PRR16: variants seen among roughly 807,000 people sequenced by gnomAD.
The protein encoded by PRR16 is protein Largen.
Under a neutral mutation model 18.2 loss-of-function variants are expected in PRR16, and 6 were observed. The observed-to-expected ratio is 0.33, with a 90% CI of 0.18 to 0.65. The LOEUF is 0.65. PRR16 is among the 30% of genes least tolerant of loss of function. PRR16 has a pLI of 0.74. For missense variants in PRR16, 412 were observed against 376.6 expected (o/e 1.09, Z -0.78); for synonymous variants, 151 against 147.8 (o/e 1.02, Z -0.16).
chr5:120,486,287 T>C (rs953092186), intron 1 of PRR16, among the ~76,000 whole-genome samples: 1 of 152,260 alleles, frequency 6.6e-6, no homozygotes, highest in African/African-American at 2.4e-5. Flanking sequence ...GCGTTCCTGT[T>C]TCTCCACATC....
At chr5:120,643,955 A>C (rs996943938) in intron 1 of PRR16, among the ~76,000 whole-genome samples, 5 of 152,126 alleles carry the variant, frequency 3.3e-5, no homozygotes, top group Non-Finnish European at 4.4e-5. Flanking sequence ...CAATGAGCTG[A>C]GATCATGCCA....
At chr5:120,747,739 TAAGGAAGGAAGAGAAAGATGAAGGAAGG>T in the PRR16 span, among the ~76,000 whole-genome samples, 1 of 151,786 alleles carries the variant, frequency 6.6e-6, no homozygotes, top group South Asian at 2.1e-4. Flanking sequence ...GAAAACAATT[TAAGGAAGGAAGAGAAAGATGAAGGAAGG>T]AAGGAAGGAG....
At chr5:120,545,051 G>A (rs993071431) in intron 1 of PRR16, among the ~76,000 whole-genome samples, 2 of 152,230 alleles carry the variant, frequency 1.3e-5, no homozygotes, top group Non-Finnish European at 2.9e-5. Flanking sequence ...CTGGGAAATA[G>A]TAGTGTCTCC....
the PRR16 span, among the ~76,000 whole-genome samples, chr5:120,733,624 T>C: frequency 6.6e-6 from 1 of 152,158 alleles, no homozygotes; most frequent in Non-Finnish European, 1.5e-5. Context: ...GCATTAAACC[T>C]ATGCCCCGCT....
intron 1 of PRR16, among the ~76,000 whole-genome samples, chr5:120,584,784 G>A (rs979879980): frequency 7.9e-5 from 12 of 151,956 alleles, no homozygotes; most frequent in South Asian, 4.1e-4. Context: ...AATAGTAGTC[G>A]TCTGTGTTTA....
At chr5:120,471,821 A>G (rs1749277135) in intron 1 of PRR16, among the ~76,000 whole-genome samples, 2 of 152,176 alleles carry the variant, frequency 1.3e-5, no homozygotes, top group Admixed American at 6.5e-5. Context: ...AGAAAGTAGC[A>G]TTAACTGAAA....
intron 1 of PRR16, among the ~76,000 whole-genome samples, chr5:120,504,784 CA>C (rs1296058844): frequency 6.6e-6 from 1 of 152,134 alleles, no homozygotes; most frequent in Non-Finnish European, 1.5e-5. Flanking sequence ...GAGGAATTTT[CA>C]TATTGCTTCT....
At chr5:120,678,269 A>G (rs1756870264) in intron 1 of PRR16, among the ~76,000 whole-genome samples, 1 of 152,058 alleles carries the variant, frequency 6.6e-6, no homozygotes, top group African/African-American at 2.4e-5. Context: ...AAGTCTCACC[A>G]ATTCTATATT....
At chr5:120,477,186 G>A (rs1331213895) in intron 1 of PRR16, among the ~76,000 whole-genome samples, 1 of 151,872 alleles carries the variant, frequency 6.6e-6, no homozygotes, top group Non-Finnish European at 1.5e-5. Context: ...CCATTTATAT[G>A]TCCACGACTC....
At chr5:120,546,149 T>G (rs867586494) in intron 1 of PRR16, among the ~76,000 whole-genome samples, 18 of 152,214 alleles carry the variant, frequency 1.2e-4, no homozygotes, top group African/African-American at 4.3e-4. Context: ...GAGCCCATGC[T>G]CTTAAGTATC....
intron 1 of PRR16, among the ~76,000 whole-genome samples, chr5:120,628,917 G>T (rs901078041): frequency 1.3e-5 from 2 of 152,012 alleles, no homozygotes; most frequent in African/African-American, 4.8e-5. Context: ...AGGTACATGT[G>T]TAGTTTCATT....
intron 1 of PRR16, among the ~76,000 whole-genome samples, chr5:120,546,388 A>C (rs1752075186): frequency 6.6e-6 from 1 of 152,064 alleles, no homozygotes; most frequent in African/African-American, 2.4e-5. Flanking sequence ...CTACCACTCA[A>C]AGTCTCTCCC....
At chr5:120,535,250 T>C (rs1751677753) in intron 1 of PRR16, among the ~76,000 whole-genome samples, 1 of 152,158 alleles carries the variant, frequency 6.6e-6, no homozygotes, top group Non-Finnish European at 1.5e-5. Context: ...TTTAAAAAAC[T>C]TTTTATTTTG....
chr5:120,584,328 C>G (rs1240634196), intron 1 of PRR16, among the ~76,000 whole-genome samples: 1 of 152,008 alleles, frequency 6.6e-6, no homozygotes, highest in Non-Finnish European at 1.5e-5. Context: ...AAGAGGACAT[C>G]AAAAATTATA....
rs180677853 is a variant in PRR16, at chr5:120,549,972, G to A, written c.159+85327G>A. ...TAAACATGGTAAAGGATGACTAAGG[G>A]GATGTGGCCTACTCAGGAAAATCAG... On this transcript the variant is annotated intron_variant, in intron 1 of 1. Coordinates refer to ENST00000407149, the MANE Select transcript of PRR16 (RefSeq NM_001300783.2). Among the ~76,000 whole-genome samples, 250 of 152,014 alleles carry A rather than the reference G, an allele frequency of 1.6e-3. 4 individuals carry two copies. Among genetic ancestry groups the A allele is most frequent in the Middle Eastern group, 3.4e-3 (1 of 294 alleles).
chr5:120,683,319 C>A (rs1014461939), intron 1 of PRR16, among the ~76,000 whole-genome samples: 1 of 151,752 alleles, frequency 6.6e-6, no homozygotes, highest in African/African-American at 2.4e-5. Context: ...AGTGAAATCC[C>A]GTCTCTTTTT....
At chr5:120,549,885 G>C (rs976756564) in intron 1 of PRR16, among the ~76,000 whole-genome samples, 3 of 151,924 alleles carry the variant, frequency 2.0e-5, no homozygotes, top group African/African-American at 7.2e-5. Context: ...TGGAGTTTAT[G>C]TTTTATCCTG....
chr5:120,674,713 C>A (rs1174352750), intron 1 of PRR16, among the ~76,000 whole-genome samples: 1 of 151,864 alleles, frequency 6.6e-6, no homozygotes, highest in African/African-American at 2.4e-5. Flanking sequence ...TTATTATTAC[C>A]ATCTCACAAT....
chr5:120,479,834 C>T (rs370645868), intron 1 of PRR16, among the ~76,000 whole-genome samples: 1 of 151,882 alleles, frequency 6.6e-6, no homozygotes, highest in South Asian at 2.1e-4. Context: ...TTGATACCTA[C>T]TAGTTCTTAA....
Sources: allele counts gnomAD v4.1 joint callset (sites outside exome capture counted in the v4.1 genomes callset), GRCh38; gene constraint gnomAD v4.1.1; transcripts MANE v1.5; gene names NCBI Gene and HGNC (gene_info 2026-07-23, HGNC 2026-07-21).